LPCAT2: variants seen among roughly 807,000 people sequenced by gnomAD.
LPCAT2 encodes the protein lysophosphatidylcholine acyltransferase 2.
Under a neutral mutation model 64.7 loss-of-function variants are expected in LPCAT2, and 58 were observed. That is an observed-to-expected ratio of 0.90 (90% CI 0.73 to 1.12). LPCAT2 has a LOEUF of 1.12. Among genes scored for constraint, LPCAT2 ranks in the 50% most tolerant of loss-of-function variants. LPCAT2 has a pLI of 0.00. For synonymous variants in LPCAT2, 252 were observed against 245.3 expected (o/e 1.03, Z -0.26); for missense variants, 579 against 669.8 (o/e 0.86, Z 1.50).
At chr16:55,540,406 A>G (rs1257241655) in intron 8 of LPCAT2, 1 of 152,156 alleles carries the variant, frequency 6.6e-6, no homozygotes, top group Non-Finnish European at 1.5e-5. Context: ...CTGTTTCACA[A>G]GTATCCCTTT....
At chr16:55,554,576 T>C (rs1963553879) in intron 11 of LPCAT2, among the ~76,000 whole-genome samples, 1 of 152,216 alleles carries the variant, frequency 6.6e-6, no homozygotes. Context: ...CTATTCAAAC[T>C]TTCTTCATAA....
chr16:55,516,370 G>T (rs1366932993), intron 1 of LPCAT2, among the ~76,000 whole-genome samples: 2 of 152,178 alleles, frequency 1.3e-5, no homozygotes, highest in Non-Finnish European at 2.9e-5. Flanking sequence ...TTCCCAAAGT[G>T]CTGGGATTAT....
At chr16:55,531,674 A>G (rs1237596637) in intron 4 of LPCAT2, among the ~76,000 whole-genome samples, 1 of 152,200 alleles carries the variant, frequency 6.6e-6, no homozygotes, top group Non-Finnish European at 1.5e-5. Context: ...ATTAAGAGAC[A>G]TTTGTTAAGT....
At chr16:55,562,549 A>T (rs1352718403) in intron 11 of LPCAT2, among the ~76,000 whole-genome samples, 1 of 151,756 alleles carries the variant, frequency 6.6e-6, no homozygotes, top group Non-Finnish European at 1.5e-5. Flanking sequence ...ACATATATAT[A>T]CAAATATAAT....
chr16:55,560,370 CCTT>C (rs1348297799), intron 11 of LPCAT2, among the ~76,000 whole-genome samples: 6 of 152,176 alleles, frequency 3.9e-5, no homozygotes, highest in Admixed American at 3.3e-4. Context: ...AGTTGTGAGT[CCTT>C]CTGTGTTATT....
At chr16:55,512,483 G>T (rs149986253) in intron 1 of LPCAT2, among the ~76,000 whole-genome samples, 226 of 152,222 alleles carry the variant, frequency 1.5e-3, no homozygotes, top group Non-Finnish European at 2.7e-3. Flanking sequence ...TGAAGGGATT[G>T]CTAGAAAGCC....
intron 11 of LPCAT2, among the ~76,000 whole-genome samples, chr16:55,565,431 C>T (rs1314499087): frequency 6.6e-6 from 1 of 152,012 alleles, no homozygotes; most frequent in Non-Finnish European, 1.5e-5. Context: ...GCATTATTCC[C>T]AATAGCCAAA....
intron 1 of LPCAT2, 27 bp downstream of exon 1, chr16:55,509,379 G>C (rs200214339): frequency 7.4e-7 from 1 of 1,359,426 alleles, no homozygotes; most frequent in Non-Finnish European, 9.6e-7. Flanking sequence ...TGAGGGGAGA[G>C]GTGGTCTGAG....
At position 55,509,079 on chromosome 16, in the gene LPCAT2, C is replaced by A. The variant is rs1451948885; in HGVS notation, c.-103C>A. 4.9e-5 allele frequency: 51 copies of A among 1,041,698 alleles called. No homozygotes were observed. Among genetic ancestry groups the A allele is most frequent in the Non-Finnish European group, 6.1e-5 (49 of 802,046 alleles). The allele number at this position is 1,041,698 out of a possible 1,614,324, so 64.5% of individuals were successfully genotyped here. On this transcript the variant is annotated 5_prime_UTR_variant, in exon 1 of 14. Transcript: ENST00000262134. ...TAACTTCAGCGCCTGCGCAGAGGCT[C>A]CCCAGCGTCGCCCTAGGCTGGGACT...
intron 10 of LPCAT2, 99 bp downstream of exon 10, chr16:55,549,501 T>C: frequency 8.8e-7 from 1 of 1,134,022 alleles, no homozygotes. Flanking sequence ...TCAGCTCTAG[T>C]TCCCATTTGG....
In LPCAT2 at chr16:55,528,311, T is replaced by C. The variant is rs1963201053; in HGVS notation, c.312-66T>C. 7 of 1,255,598 alleles carry C rather than the reference T, an allele frequency of 5.6e-6. 1 individual carries two copies. In the South Asian group the frequency reaches 9.1e-5, roughly 16 times the overall value. 77.8% of individuals were successfully genotyped at this position (1,255,598 alleles called of 1,614,324 possible). A position where few individuals can be genotyped will look rare whatever the true frequency, so the allele number is the denominator to read the frequency against. Reference sequence around the variant, plus strand: ...ATGTTTTGGTTTTCTTATTGTATTATAGAGTAAAACCCTGCTGCTAGCTTT... The same window carrying C: ...ATGTTTTGGTTTTCTTATTGTATTACAGAGTAAAACCCTGCTGCTAGCTTT... On this transcript the variant is annotated intron_variant, in intron 2 of 13. Coordinates refer to ENST00000262134, the MANE Select transcript of LPCAT2 (RefSeq NM_017839.5).
In LPCAT2 at chr16:55,583,864, G is replaced by T. The variant is rs1208098453; in HGVS notation, c.*766G>T. The T allele has an allele frequency of 2.6e-5, 4 of 152,104 alleles. No individual in the cohort carries two copies. The highest frequency in any genetic ancestry group is 5.9e-5 in the Non-Finnish European group (4 of 68,070). The allele number at this position is 152,104 out of a possible 1,614,324, so 9.4% of individuals were successfully genotyped here. On this transcript the variant is annotated 3_prime_UTR_variant, in exon 14 of 14. Transcript: ENST00000262134. ...CACCCGACTAATTTTTGTATTTTTA[G>T]TAGCCATGTGGTTTTGCCATGTTGG...
At chr16:55,553,788 G>A (rs1203133128) in intron 11 of LPCAT2, among the ~76,000 whole-genome samples, 2 of 152,180 alleles carry the variant, frequency 1.3e-5, no homozygotes, top group African/African-American at 4.8e-5. Context: ...TGGCCTTACA[G>A]CATTTCTTAT....
chr16:55,549,230 T>A (rs1217938101), intron 9 of LPCAT2, 47 bp from the exon 10 acceptor site: 2 of 1,457,074 alleles, frequency 1.4e-6, no homozygotes, highest in Non-Finnish European at 1.8e-6. Context: ...ATGATTACTT[T>A]TTTTTTTAAA....
chr16:55,533,709 G>A (rs1963286981), intron 6 of LPCAT2, among the ~76,000 whole-genome samples: 1 of 152,088 alleles, frequency 6.6e-6, no homozygotes, highest in South Asian at 2.1e-4. Context: ...CACTGCATCT[G>A]GCCTAGCTTA....
chr16:55,570,986 C>T (rs576388467), intron 11 of LPCAT2, among the ~76,000 whole-genome samples: 11 of 152,198 alleles, frequency 7.2e-5, no homozygotes, highest in Admixed American at 2.0e-4. Flanking sequence ...TTTATGTAAA[C>T]GTTTTAAAAT....
intron 11 of LPCAT2, chr16:55,567,057 A>G: frequency 6.2e-7 from 1 of 1,613,888 alleles, no homozygotes; most frequent in Non-Finnish European, 8.5e-7. Flanking sequence ...CACTGATCTG[A>G]TGAATATTCT....
intron 1 of LPCAT2, among the ~76,000 whole-genome samples, chr16:55,513,286 A>T (rs1393225327): frequency 6.6e-6 from 1 of 152,200 alleles, no homozygotes. Context: ...TGTAAAAGAG[A>T]ACCAAATGGG....
intron 11 of LPCAT2, among the ~76,000 whole-genome samples, chr16:55,569,059 A>C (rs1963740744): frequency 6.6e-6 from 1 of 152,136 alleles, no homozygotes; most frequent in African/African-American, 2.4e-5. Context: ...TTTGCAGATA[A>C]ATTCTTCCTT....
Sources: allele counts gnomAD v4.1 joint callset (sites outside exome capture counted in the v4.1 genomes callset), GRCh38; gene constraint gnomAD v4.1.1; transcripts MANE v1.5; gene names NCBI Gene and HGNC (gene_info 2026-07-23, HGNC 2026-07-21).